MYO5A: variants seen among roughly 807,000 people sequenced by gnomAD.
MYO5A encodes the protein unconventional myosin-Va.
A neutral mutation model predicts 249.7 loss-of-function variants in MYO5A; 98 were observed. That is an observed-to-expected ratio of 0.39 (90% CI 0.33 to 0.46). The LOEUF is 0.46. Ranked by LOEUF, MYO5A falls within the 20% of genes least tolerant of loss-of-function variation. MYO5A has a pLI of 0.98. For synonymous variants in MYO5A, 778 were observed against 810.6 expected, an observed-to-expected ratio of 0.96 and a Z score of 0.68; for missense variants, 1,696 against 2,308.8, an observed-to-expected ratio of 0.73 and a Z score of 5.44.
At chr15:52,367,271 C>G (rs989088790) in intron 22 of MYO5A, 147 bp from the exon 23 acceptor site, 25 of 741,848 alleles carry the variant, frequency 3.4e-5, no homozygotes, top group Non-Finnish European at 5.6e-5. Flanking sequence ...ACCTTACAAA[C>G]TTGCTCAAGC....
intron 4 of MYO5A, among the ~76,000 whole-genome samples, chr15:52,421,725 G>A (rs965896074): frequency 6.6e-6 from 1 of 152,126 alleles, no homozygotes; most frequent in South Asian, 2.1e-4. Flanking sequence ...CAAACATAAA[G>A]ATAACAAATG....
In MYO5A at chr15:52,307,636, T is replaced by TATC. The variant is rs1422570593; in HGVS notation, c.*6057_*6059dup. 5 of 152,152 alleles carry TATC rather than the reference T, an allele frequency of 3.3e-5. No individual in the cohort carries two copies. Among genetic ancestry groups the TATC allele is most frequent in the African/African-American group, 4.8e-5 (2 of 41,448 alleles). 9.4% of individuals were successfully genotyped at this position (152,152 alleles called of 1,614,324 possible). On this transcript the variant is annotated 3_prime_UTR_variant, in exon 42 of 42. Coordinates refer to ENST00000399233, the MANE Select transcript of MYO5A (RefSeq NM_001382347.1). ...TCACCTAAGAACTTTCAAAAAATTG[T>TATC]ATCAAAATTTTCTATGCAGATCAAA...
Position 52,330,506 on chromosome 15 carries a change from G to A in MYO5A, c.4409-7C>T. The A allele has an allele frequency of 6.2e-7, 1 of 1,614,004 alleles. No individual in the cohort carries two copies. Among genetic ancestry groups the A allele is most frequent in the Non-Finnish European group, 8.5e-7 (1 of 1,179,922 alleles). Reference sequence around the variant, plus strand: ...ATGTTCTCCATCTGGCCCACTTTATGAGAAGTAAGAAAGGAGGAGAAAATG... The same window carrying A: ...ATGTTCTCCATCTGGCCCACTTTATAAGAAGTAAGAAAGGAGGAGAAAATG... On this transcript the variant is annotated splice_polypyrimidine_tract_variant and splice_region_variant and intron_variant, in intron 34 of 41. Transcript: ENST00000399233.
At chr15:52,323,955 G>A (rs1273326368) in intron 36 of MYO5A, 1 of 152,378 alleles carries the variant, frequency 6.6e-6, no homozygotes, top group Non-Finnish European at 1.3e-5. Context: ...AGTGAGCCAG[G>A]ATTGCACCAC....
chr15:52,457,526 T>C (rs1046018905), intron 1 of MYO5A, among the ~76,000 whole-genome samples: 3 of 151,382 alleles, frequency 2.0e-5, no homozygotes, highest in Non-Finnish European at 2.9e-5. Flanking sequence ...ACACCACTAA[T>C]CATCAGAAAA....
chr15:52,486,849 C>A (rs1184143517), intron 1 of MYO5A, among the ~76,000 whole-genome samples: 5 of 152,140 alleles, frequency 3.3e-5, no homozygotes, highest in South Asian at 4.2e-4. Context: ...ACAACTGAGG[C>A]TCTATAGAAG....
At chr15:52,418,756 CAG>C (rs149709466) in intron 4 of MYO5A, among the ~76,000 whole-genome samples, 2 of 143,698 alleles carry the variant, frequency 1.4e-5, no homozygotes. Flanking sequence ...GAGAGAGAGA[CAG>C]AGAGAGAGAG....
intron 1 of MYO5A, among the ~76,000 whole-genome samples, chr15:52,504,622 C>T (rs1413910715): frequency 6.6e-6 from 1 of 152,146 alleles, no homozygotes; most frequent in African/African-American, 2.4e-5. Context: ...TGACAGAACG[C>T]TGGGCGAGGT....
chr15:52,485,213 A>G (rs2076792914), intron 1 of MYO5A, among the ~76,000 whole-genome samples: 1 of 151,794 alleles, frequency 6.6e-6, no homozygotes. Context: ...AAGATCTGTA[A>G]ATGACAGAAC....
At chr15:52,322,912 T>C (rs746666649) in intron 37 of MYO5A, among the ~76,000 whole-genome samples, 9 of 152,088 alleles carry the variant, frequency 5.9e-5, no homozygotes, top group Non-Finnish European at 1.0e-4. Context: ...ACATGTGCCA[T>C]GTTGGTGTGC....
intron 29 of MYO5A, 86 bp from the exon 30 acceptor site, chr15:52,346,547 G>T: frequency 2.4e-6 from 2 of 848,518 alleles, no homozygotes; most frequent in Non-Finnish European, 3.9e-6. Flanking sequence ...TAACTGGGGG[G>T]CAGTGGTTAT....
intron 22 of MYO5A, among the ~76,000 whole-genome samples, chr15:52,368,401 C>A (rs1219267667): frequency 6.6e-6 from 1 of 152,062 alleles, no homozygotes; most frequent in East Asian, 1.9e-4. Flanking sequence ...AAATAATGTG[C>A]CTAGCCCACA....
At chr15:52,317,831 T>C (rs1039291737) in intron 39 of MYO5A, among the ~76,000 whole-genome samples, 5 of 152,104 alleles carry the variant, frequency 3.3e-5, no homozygotes, top group African/African-American at 1.2e-4. Context: ...TACAAAGACA[T>C]TGTAGGTTTC....
chr15:52,381,087 T>C (rs2041718292), intron 16 of MYO5A, among the ~76,000 whole-genome samples: 1 of 152,188 alleles, frequency 6.6e-6, no homozygotes, highest in Admixed American at 6.5e-5. Flanking sequence ...GAAGAGGAAG[T>C]AGAAAGGTTT....
intron 1 of MYO5A, among the ~76,000 whole-genome samples, chr15:52,519,565 T>A (rs761904066): frequency 7.2e-5 from 11 of 151,844 alleles, no homozygotes; most frequent in Non-Finnish European, 8.8e-5. Context: ...TGAGCTATGC[T>A]TGCGCTACTG....
intron 14 of MYO5A, among the ~76,000 whole-genome samples, chr15:52,386,242 G>C (rs892994626): frequency 9.2e-5 from 14 of 152,030 alleles, no homozygotes; most frequent in Admixed American, 3.3e-4. Context: ...CAGGGAGGTC[G>C]AGGCTGCAGT....
chr15:52,376,601 T>G, intron 18 of MYO5A, 43 bp from the exon 19 acceptor site: 1 of 1,549,464 alleles, frequency 6.5e-7, no homozygotes, highest in Non-Finnish European at 8.9e-7. Context: ...AATAATCATA[T>G]AAGTGAAATT....
intron 4 of MYO5A, among the ~76,000 whole-genome samples, chr15:52,425,183 T>C (rs1010555956): frequency 3.9e-5 from 6 of 152,216 alleles, no homozygotes; most frequent in African/African-American, 1.2e-4. Flanking sequence ...TTCTAGTCTA[T>C]TACTCATTCG....
intron 1 of MYO5A, among the ~76,000 whole-genome samples, chr15:52,446,161 C>G (rs1003309531): frequency 6.6e-6 from 1 of 152,244 alleles, no homozygotes; most frequent in South Asian, 2.1e-4. Context: ...CCTCCCACCA[C>G]AGGCCCAGAG....
Sources: allele counts gnomAD v4.1 joint callset (sites outside exome capture counted in the v4.1 genomes callset), GRCh38; gene constraint gnomAD v4.1.1; transcripts MANE v1.5; gene names NCBI Gene and HGNC (gene_info 2026-07-23, HGNC 2026-07-21).